VEGFB: variants seen among roughly 807,000 people sequenced by gnomAD.
VEGFB encodes the protein vascular endothelial growth factor B.
A neutral mutation model predicts 22.5 loss-of-function variants in VEGFB; 24 were observed. The observed-to-expected ratio is 1.07, with a 90% CI of 0.77 to 1.50. The LOEUF (loss-of-function observed/expected upper bound fraction) is 1.50. Among genes scored for constraint, VEGFB ranks in the 40% most tolerant of loss-of-function variants. The pLI, the probability that VEGFB is intolerant of heterozygous loss-of-function variation, is 0.00. For synonymous variants in VEGFB, 141 were observed against 117.4 expected (o/e 1.20, Z -1.30); for missense variants, 327 against 287.8 (o/e 1.14, Z -0.99).
In VEGFB at chr11:64,237,481, G is replaced by A. The variant is rs780241286; in HGVS notation, c.472G>A (p.Gly158Arg). Residue 158 changes from glycine (G) to arginine (R), a missense_variant, in exon 6 of 7, where the codon GGA becomes AGA. By Grantham distance (125) the Gly-to-Arg change is moderately radical. Transcript: ENST00000309422. ...TGTTCCGGGCTGGGACTCTGCCCCC[G>A]GAGCACCCTCCCCAGCTGACATCAC... ...RSVPGWDSAP[G>R]APSPADITHP... 3.1e-6 allele frequency: 5 copies of A among 1,611,954 alleles called. No homozygotes were observed. The highest frequency in any genetic ancestry group is 4.5e-5 in the East Asian group (2 of 44,844).
intron 3 of VEGFB, 22 bp downstream of exon 3, chr11:64,236,031 G>A (rs190678339): frequency 1.5e-5 from 24 of 1,565,054 alleles, no homozygotes; most frequent in Middle Eastern, 1.7e-4. Flanking sequence ...GTGGGGCAAC[G>A]GGCAGGGGAT....
At position 64,234,731 on chromosome 11, in the gene VEGFB, GCCGCGCCCGGGCCCGCGC is replaced by G; in HGVS notation, c.-101_-84del. The G allele has an allele frequency of 3.2e-6, 1 of 316,990 alleles. No homozygotes were observed. The highest frequency in any genetic ancestry group is 4.5e-6 in the Non-Finnish European group (1 of 222,450). 19.6% of individuals were successfully genotyped at this position (316,990 alleles called of 1,614,324 possible). A position where few individuals can be genotyped will look rare whatever the true frequency, so the allele number is the denominator to read the frequency against. On this transcript the variant is annotated 5_prime_UTR_variant, in exon 1 of 7. Coordinates refer to ENST00000309422, the MANE Select transcript of VEGFB (RefSeq NM_003377.5). The surrounding 1 kb of genome is among the most constrained non-coding windows in gnomAD (Gnocchi z 5.3). The stretch of plus-strand genomic sequence containing the variant: ...CGCCCCCCGCGCCCGGCCCCCGCCC[GCCGCGCCCGGGCCCGCGC>G]CATGGGGCTCTGGCTGTCGCCGCCC...
Position 64,238,316 on chromosome 11 carries a change from G to A in VEGFB, c.*23-40G>A, listed in dbSNP as rs770745060. 5.9e-6 allele frequency: 9 copies of A among 1,535,860 alleles called. No homozygotes were observed. The South Asian group carries it at 7.1e-5, about 12-fold the overall frequency. On this transcript the variant is annotated intron_variant, in intron 6 of 6. Coordinates refer to ENST00000309422, the MANE Select transcript of VEGFB (RefSeq NM_003377.5). ...CACATGAGTCCAGGGCTGGGGCTGC[G>A]CTCCAGCCAGCATGAACAGATCACT...
chr11:64,235,770 A>G, intron 2 of VEGFB, 43 bp from the exon 3 acceptor site: 1 of 1,608,240 alleles, frequency 6.2e-7, no homozygotes, highest in South Asian at 1.1e-5. Flanking sequence ...GAGCAGCTGC[A>G]GGAAAACCAG....
intron 5 of VEGFB, 90 bp downstream of exon 5, chr11:64,237,312 C>G (rs1308540882): frequency 1.3e-6 from 2 of 1,515,512 alleles, no homozygotes; most frequent in East Asian, 2.3e-5. Flanking sequence ...CCACCCGTCC[C>G]CCACTTTCCC....
intron 4 of VEGFB, among the ~76,000 whole-genome samples, chr11:64,236,688 G>A (rs1369276051): frequency 1.6e-5 from 2 of 128,116 alleles, no homozygotes; most frequent in South Asian, 2.5e-4. Context: ...CTGCATTCCA[G>A]CCTGGGCGAC....
intron 5 of VEGFB, 54 bp downstream of exon 5, chr11:64,237,276 A>G: frequency 6.4e-7 from 1 of 1,558,000 alleles, no homozygotes; most frequent in Non-Finnish European, 8.8e-7. Context: ...AAGTGAGTCC[A>G]GAAGCTGTTG....
In VEGFB at chr11:64,236,182, C is replaced by G. The variant is rs561782047; in HGVS notation, c.301-72C>G. The stretch of plus-strand genomic sequence containing the variant: ...CCTCCCGGCTGTTGGGTGAGCTTTT[C>G]TCCCTTCAGTCTTAGAGCATCCCCT... On this transcript the variant is annotated intron_variant, in intron 3 of 6. Transcript: ENST00000309422. 4 of 1,578,330 alleles carry G rather than the reference C, an allele frequency of 2.5e-6. No homozygotes were observed. In the East Asian group the frequency reaches 9.0e-5, roughly 35 times the overall value.
Position 64,237,635 on chromosome 11 carries a change from G to T in VEGFB, c.*2G>T, listed in dbSNP as rs778291669. 2.6e-6 allele frequency: 4 copies of T among 1,547,880 alleles called. No individual in the cohort carries two copies. The highest frequency in any genetic ancestry group is 3.5e-6 in the Non-Finnish European group (4 of 1,150,324). On this transcript the variant is annotated 3_prime_UTR_variant, in exon 6 of 7. Coordinates refer to ENST00000309422, the MANE Select transcript of VEGFB (RefSeq NM_003377.5). ...TCCGTTGCCAAGGGCGGGGCTTAGA[G>T]CTCAACCCAGACACCTGCAGGTGAG...
intron 3 of VEGFB, 78 bp downstream of exon 3, chr11:64,236,087 G>A (rs2029991267): frequency 1.3e-6 from 2 of 1,526,344 alleles, no homozygotes; most frequent in Middle Eastern, 1.7e-4. Flanking sequence ...GATGCTGGCT[G>A]GCTCTGGGGC....
At chr11:64,238,233 C>A in intron 6 of VEGFB, 123 bp from the exon 7 acceptor site, 1 of 1,267,268 alleles carries the variant, frequency 7.9e-7, no homozygotes, top group Non-Finnish European at 1.1e-6. Flanking sequence ...GCCTCCAGTG[C>A]CCAGGGCCGA....
chr11:64,234,817 C>A lies in VEGFB; in HGVS notation c.-17C>A. 8.6e-7 allele frequency: 1 copy of A among 1,160,910 alleles called. No homozygotes were observed. The allele number at this position is 1,160,910 out of a possible 1,614,324, so 71.9% of individuals were successfully genotyped here. On this transcript the variant is annotated 5_prime_UTR_variant, in exon 1 of 7. Coordinates refer to ENST00000309422, the MANE Select transcript of VEGFB (RefSeq NM_003377.5). This position sits in a 1 kb window ranked among gnomAD's most constrained non-coding sequence, Gnocchi z 5.3. ...GGGCGATGCGGGCGCCCCCGGCGGG[C>A]GGCCCCGGCGGGCACCATGAGCCCT...
At chr11:64,235,737 G>A in intron 2 of VEGFB, 76 bp from the exon 3 acceptor site, 1 of 1,557,900 alleles carries the variant, frequency 6.4e-7, no homozygotes, top group Non-Finnish European at 8.8e-7. Context: ...TGTGACTTGG[G>A]GACTGGGGAG....
chr11:64,236,561 C>G lies in VEGFB; in HGVS notation c.374+234C>G, dbSNP rs987384007. Among the ~76,000 whole-genome samples the G allele has an allele frequency of 5.3e-5, 8 of 151,224 alleles. No individual in the cohort carries two copies. In the East Asian group the frequency reaches 1.2e-3, roughly 22 times the overall value. Reference sequence around the variant, plus strand: ...AAAACCTGTCTCTACTAAAAAAATACAAAAAATTAGCCGGGCGTGGTGGCG... The same window carrying G: ...AAAACCTGTCTCTACTAAAAAAATAGAAAAAATTAGCCGGGCGTGGTGGCG... On this transcript the variant is annotated intron_variant, in intron 4 of 6. Coordinates refer to ENST00000309422, the MANE Select transcript of VEGFB (RefSeq NM_003377.5).
intron 6 of VEGFB, chr11:64,237,865 A>G: frequency 3.7e-6 from 2 of 541,486 alleles, no homozygotes; most frequent in Non-Finnish European, 6.5e-6. Context: ...AGGAGGGACA[A>G]TGCCAGCAGA....
chr11:64,237,163 G>C (rs751841342), intron 4 of VEGFB, 24 bp from the exon 5 acceptor site: 4 of 1,588,952 alleles, frequency 2.5e-6, no homozygotes, highest in Admixed American at 1.7e-5. Context: ...TTGTTTGTCT[G>C]TGTCTGTCTA....
chr11:64,235,643 C>A lies in VEGFB; in HGVS notation c.103+143C>A, dbSNP rs1029478322. 8.8e-6 allele frequency: 11 copies of A among 1,249,596 alleles called. No homozygotes were observed. In the African/African-American group the frequency reaches 1.6e-4, roughly 19 times the overall value. 77.4% of individuals were successfully genotyped at this position (1,249,596 alleles called of 1,614,324 possible). Reference sequence around the variant, plus strand: ...CATTTCACAGAGGAGGAAATTGAGGCAGTGGGGTTACTGGGATCTGGATAA... The same window carrying A: ...CATTTCACAGAGGAGGAAATTGAGGAAGTGGGGTTACTGGGATCTGGATAA... On this transcript the variant is annotated intron_variant, in intron 2 of 6. Coordinates refer to ENST00000309422, the MANE Select transcript of VEGFB (RefSeq NM_003377.5).
In VEGFB at chr11:64,236,716, CAAAAAAAAA is replaced by C. The variant is rs773789771; in HGVS notation, c.374+409_374+417del. 5.8e-4 allele frequency among the ~76,000 whole-genome samples: 43 copies of C among 74,468 alleles called. 1 individual carries two copies. The highest frequency in any genetic ancestry group is 9.4e-3 in the Middle Eastern group (1 of 106). The allele number at this position is 74,468 out of a possible 152,430, so 48.9% of individuals were successfully genotyped here. A position where few individuals can be genotyped will look rare whatever the true frequency, so the allele number is the denominator to read the frequency against. ...TGGGCGACAGAGCAAGACTCTGCCA[CAAAAAAAAA>C]AAAAAAAAAAAAAAAAAAAGAGTAG... is the stretch of plus-strand genomic sequence containing the variant. On this transcript the variant is annotated intron_variant, in intron 4 of 6. Coordinates refer to ENST00000309422, the MANE Select transcript of VEGFB (RefSeq NM_003377.5).
chr11:64,236,906 C>G (rs543135132), intron 4 of VEGFB, among the ~76,000 whole-genome samples: 3 of 147,630 alleles, frequency 2.0e-5, no homozygotes, highest in African/African-American at 4.9e-5. Flanking sequence ...TGGTGAAACC[C>G]CATCTCTACT....
Sources: gnomAD v4.1 joint callset for allele counts (sites outside exome capture counted in the v4.1 genomes callset) on GRCh38, gnomAD v4.1.1 for gene constraint, Gnocchi (gnomAD v3.1) non-coding constraint, MANE v1.5 for transcripts, NCBI Gene and HGNC (gene_info 2026-07-23, HGNC 2026-07-21) for gene names.